TSPEAR: variants seen among roughly 807,000 people sequenced by gnomAD.
The protein encoded by TSPEAR is thrombospondin type laminin G domain and EAR repeats, also known as thrombospondin-type laminin G domain and EAR repeat-containing protein.
A neutral mutation model predicts 71.6 loss-of-function variants in TSPEAR; 69 were observed. That is an observed-to-expected ratio of 0.96 (90% CI 0.79 to 1.18). The LOEUF (loss-of-function observed/expected upper bound fraction) is 1.18. Among genes scored for constraint, TSPEAR ranks in the 50% most tolerant of loss-of-function variants. The pLI is 0.00. For synonymous variants in TSPEAR, 402 were observed against 387.2 expected, an observed-to-expected ratio of 1.04 and a Z score of -0.45; for missense variants, 971 against 894.9, an observed-to-expected ratio of 1.09 and a Z score of -1.09.
At chr21:44,509,138 TC>T (rs1320595935) in intron 10 of TSPEAR, 60 bp downstream of exon 10, 16 of 1,553,362 alleles carry the variant, frequency 1.0e-5, no homozygotes, top group African/African-American at 1.4e-5. Context: ...TAACGGGGAT[TC>T]CGACATGGTG....
At position 44,529,857 on chromosome 21, in the gene TSPEAR, C is replaced by A; in HGVS notation, c.731G>T (p.Arg244Leu). 6.2e-7 allele frequency: 1 copy of A among 1,613,836 alleles called. No homozygotes were observed. The highest frequency in any genetic ancestry group is 1.7e-4 in the Middle Eastern group (1 of 6,058). ...NAPLAVLSIP[R>L]VLQALTGKPE... ...CTTCCCCGTGAGAGCCTGCAGGACC[C>A]GTGGGATGGACAGCACCGCCAGCGG... Residue 244 changes from arginine (R) to leucine (L), a missense_variant, in exon 5 of 12, where the codon CGG (arginine) becomes CTG (leucine). Arg to Leu is a moderately radical substitution (Grantham distance 102, BLOSUM62 -2). Transcript: ENST00000323084.
intron 1 of TSPEAR, among the ~76,000 whole-genome samples, chr21:44,652,766 ATCATGGCCCAT>A (rs1555941725): frequency 6.6e-6 from 1 of 152,180 alleles, no homozygotes; most frequent in African/African-American, 2.4e-5. Flanking sequence ...TTGACTACAT[ATCATGGCCCAT>A]TCTTGTACAC....
At chr21:44,694,969 C>T (rs1987269936) in intron 1 of TSPEAR, among the ~76,000 whole-genome samples, 1 of 152,212 alleles carries the variant, frequency 6.6e-6, no homozygotes, top group Admixed American at 6.5e-5. Flanking sequence ...TGGAGGGTCT[C>T]CCCTGGACTT....
intron 1 of TSPEAR, among the ~76,000 whole-genome samples, chr21:44,708,817 TG>T (rs1988070044): frequency 6.6e-6 from 1 of 152,246 alleles, no homozygotes; most frequent in African/African-American, 2.4e-5. Flanking sequence ...AGCTGCAGTT[TG>T]GCCAAGTTGC....
intron 8 of TSPEAR, among the ~76,000 whole-genome samples, chr21:44,523,423 GTAGT>G (rs1351502245): frequency 6.6e-5 from 10 of 151,882 alleles, no homozygotes; most frequent in Admixed American, 1.3e-4. Context: ...AGGTAGTCAG[GTAGT>G]TAGTCAGGTA....
rs782723091 is a variant in TSPEAR at position 44,612,303 on chromosome 21, C to G, written c.83-44298G>C. The G allele has an allele frequency of 1.2e-6, 2 of 1,613,622 alleles. No individual in the cohort carries two copies. The highest frequency in any genetic ancestry group is 1.7e-6 in the Non-Finnish European group (2 of 1,180,008). On this transcript the variant is annotated intron_variant, in intron 1 of 11. Transcript: ENST00000323084. The surrounding 1 kb of genome is among the most constrained non-coding windows in gnomAD (Gnocchi z 4.1). ...TGCTGTACCCCTAGCTGCTGTGCCC[C>G]AGCCCCCTGCCTGGCCCTGGTCTGT...
intron 3 of TSPEAR, among the ~76,000 whole-genome samples, chr21:44,531,458 C>T (rs112144759): frequency 1.4e-4 from 21 of 152,168 alleles, no homozygotes; most frequent in African/African-American, 5.1e-4. Context: ...GGTAAGGATC[C>T]TAGTCACACT....
intron 1 of TSPEAR, among the ~76,000 whole-genome samples, chr21:44,645,501 T>A (rs1984269191): frequency 6.6e-6 from 1 of 151,834 alleles, no homozygotes; most frequent in Non-Finnish European, 1.5e-5. Context: ...TACAGGCACA[T>A]GCCACCATGC....
At chr21:44,702,898 C>T in intron 1 of TSPEAR, 1 of 643,518 alleles carries the variant, frequency 1.6e-6, no homozygotes, top group South Asian at 1.8e-5. Context: ...CGCACTGGTA[C>T]ACACCACAGT....
At position 44,597,432 on chromosome 21, in the gene TSPEAR, CT is replaced by C. The variant is rs370569621; in HGVS notation, c.83-29428del. 5.4e-5 allele frequency among the ~76,000 whole-genome samples: 7 copies of C among 130,620 alleles called. 1 individual carries two copies. The highest frequency in any genetic ancestry group is 2.3e-4 in the African/African-American group (7 of 30,594). 85.7% of individuals were successfully genotyped at this position (130,620 alleles called of 152,430 possible). On this transcript the variant is annotated intron_variant, in intron 1 of 11. Transcript: ENST00000323084. Reference sequence around the variant, plus strand: ...GTGCTCTTTTTCTTTTTCTTTCTTTCTTTTCTTTTTTTTTTTTTTGATGGAG... The same window carrying C: ...GTGCTCTTTTTCTTTTTCTTTCTTTCTTTCTTTTTTTTTTTTTTGATGGAG...
chr21:44,572,024 A>T (rs1357150301), intron 1 of TSPEAR, among the ~76,000 whole-genome samples: 2 of 152,174 alleles, frequency 1.3e-5, no homozygotes, highest in Non-Finnish European at 2.9e-5. Flanking sequence ...GACATGACCA[A>T]TTACAGAGGG....
chr21:44,640,420 G>T (rs2146226831), intron 1 of TSPEAR, among the ~76,000 whole-genome samples: 1 of 152,348 alleles, frequency 6.6e-6, no homozygotes, highest in South Asian at 2.1e-4. Context: ...GCTTATGGGT[G>T]TGGTTTTTGG....
intron 10 of TSPEAR, among the ~76,000 whole-genome samples, chr21:44,507,609 G>A (rs147336030): frequency 1.1e-3 from 160 of 152,338 alleles, no homozygotes; most frequent in African/African-American, 3.4e-3. Flanking sequence ...CATAAGTCGC[G>A]AGTGTGTAGC....
chr21:44,547,625 G>C (rs1156260633), intron 2 of TSPEAR, among the ~76,000 whole-genome samples: 4 of 152,192 alleles, frequency 2.6e-5, no homozygotes, highest in Admixed American at 6.5e-5. Flanking sequence ...CTATTAGCTT[G>C]GTGCTAAGAC....
chr21:44,575,440 C>T (rs1978372029), intron 1 of TSPEAR: 1 of 201,446 alleles, frequency 5.0e-6, no homozygotes, highest in East Asian at 1.2e-4. Flanking sequence ...GTGCACAACC[C>T]TCTGCTGTCC....
intron 1 of TSPEAR, chr21:44,676,257 T>C: frequency 7.8e-7 from 1 of 1,285,716 alleles, no homozygotes; most frequent in Non-Finnish European, 1.1e-6. Context: ...TAAGGGTCTC[T>C]TCACTGTACA....
intron 1 of TSPEAR, among the ~76,000 whole-genome samples, chr21:44,621,886 A>G (rs782691204): frequency 2.0e-5 from 3 of 152,126 alleles, no homozygotes; most frequent in Non-Finnish European, 4.4e-5. Flanking sequence ...CAATCAATAC[A>G]TAGACTCCTC....
chr21:44,684,887 C>T (rs1447955718), intron 1 of TSPEAR, among the ~76,000 whole-genome samples: 1 of 152,238 alleles, frequency 6.6e-6, no homozygotes, highest in Non-Finnish European at 1.5e-5. Flanking sequence ...CACATAGGAA[C>T]ATGTGATCAC....
intron 1 of TSPEAR, among the ~76,000 whole-genome samples, chr21:44,641,445 G>A (rs1238555595): frequency 6.6e-6 from 1 of 152,110 alleles, no homozygotes; most frequent in Non-Finnish European, 1.5e-5. Context: ...GGCAAGGATT[G>A]ACCCAAACCC....
Sources: allele counts gnomAD v4.1 joint callset (sites outside exome capture counted in the v4.1 genomes callset), GRCh38; gene constraint gnomAD v4.1.1; non-coding constraint Gnocchi (gnomAD v3.1); transcripts MANE v1.5; gene names NCBI Gene and HGNC (gene_info 2026-07-23, HGNC 2026-07-21).